Variants in STAU2 observed in about 807,000 individuals in gnomAD.
STAU2 encodes double-stranded RNA-binding protein Staufen homolog 2.
A neutral mutation model predicts 65.9 loss-of-function variants in STAU2; 20 were observed. The ratio of observed to expected loss-of-function variants is 0.30; its 90% CI spans 0.21 to 0.44. STAU2 has a LOEUF of 0.44. STAU2 is among the 20% of genes least tolerant of loss of function. STAU2 has a pLI of 1.00. For missense variants in STAU2, 558 were observed against 683.9 expected, an observed-to-expected ratio of 0.82 and a Z score of 2.05; for synonymous variants, 232 against 233.9, an observed-to-expected ratio of 0.99 and a Z score of 0.07.
At chr8:73,486,657 ATTTT>A (rs10616687) in intron 13 of STAU2, among the ~76,000 whole-genome samples, 29 of 136,502 alleles carry the variant, frequency 2.1e-4, no homozygotes, top group African/African-American at 3.5e-4. Context: ...ATATATATAT[ATTTT>A]TTTTTTTTTT....
At chr8:73,687,285 A>AATTTATATTTAT (rs371617766) in intron 5 of STAU2, among the ~76,000 whole-genome samples, 19 of 101,478 alleles carry the variant, frequency 1.9e-4, no homozygotes, top group South Asian at 5.7e-4. Flanking sequence ...CATTTATAAA[A>AATTTATATTTAT]ATTTATATTT....
chr8:73,426,791 A>G (rs1333097167), intron 13 of STAU2, among the ~76,000 whole-genome samples: 1 of 152,134 alleles, frequency 6.6e-6, no homozygotes, highest in Non-Finnish European at 1.5e-5. Flanking sequence ...ACAGTATCCT[A>G]TCGATATCCT....
At chr8:73,521,611 G>C (rs774850731) in intron 13 of STAU2, among the ~76,000 whole-genome samples, 17 of 152,106 alleles carry the variant, frequency 1.1e-4, no homozygotes, top group Admixed American at 2.6e-4. Flanking sequence ...CATTCAGAAG[G>C]AACTGCATTT....
chr8:73,422,137 T>G (rs1042857751), intron 14 of STAU2, among the ~76,000 whole-genome samples: 1 of 152,184 alleles, frequency 6.6e-6, no homozygotes, highest in South Asian at 2.1e-4. Flanking sequence ...TGGCAATGTG[T>G]GCTGGTGTTT....
chr8:73,569,989 T>A (rs1204999546), intron 12 of STAU2, among the ~76,000 whole-genome samples: 1 of 152,200 alleles, frequency 6.6e-6, no homozygotes, highest in East Asian at 1.9e-4. Context: ...AGAAGAAGGC[T>A]TCAGATGATT....
Position 73,571,835 on chromosome 8 carries a change from G to A in STAU2, c.1222+10935C>T, listed in dbSNP as rs544135380. Among the ~76,000 whole-genome samples, 25 of 152,208 alleles carry A rather than the reference G, an allele frequency of 1.6e-4. 1 individual carries two copies. The South Asian group carries it at 5.0e-3, about 30-fold the overall frequency. Reference sequence around the variant, plus strand: ...TGACACCCTAACATCACAATTAAAAGAACTAGAGAAGCAAGAGCAAACACA... The same window carrying A: ...TGACACCCTAACATCACAATTAAAAAAACTAGAGAAGCAAGAGCAAACACA... On this transcript the variant is annotated intron_variant, in intron 12 of 14. Coordinates refer to ENST00000524300, the MANE Select transcript of STAU2 (RefSeq NM_001164380.2).
intron 3 of STAU2, among the ~76,000 whole-genome samples, chr8:73,710,438 G>A (rs12675329): frequency 0.21 from 30,151 of 142,460 alleles, 3,399 homozygotes; most frequent in East Asian, 0.38. Context: ...TGCTTTTTAC[G>A]TCTTGTTTAG....
chr8:73,481,520 A>AAC lies in STAU2; in HGVS notation c.1531-58819_1531-58818insGT, dbSNP rs1554595585. 1.5e-4 allele frequency among the ~76,000 whole-genome samples: 21 copies of AAC among 141,720 alleles called. No individual in the cohort carries two copies. In the East Asian group the frequency reaches 3.0e-3, roughly 20 times the overall value. 93.0% of individuals were successfully genotyped at this position (141,720 alleles called of 152,430 possible). ...TAAGCCAAAAAAACAAAAAAACAAA[A>AAC]AAAAAAAACACTTTTTTTGAGTGAA... On this transcript the variant is annotated intron_variant, in intron 13 of 14. Transcript: ENST00000524300.
intron 3 of STAU2, among the ~76,000 whole-genome samples, chr8:73,722,904 T>C (rs376549241): frequency 1.0e-3 from 153 of 152,210 alleles, no homozygotes; most frequent in African/African-American, 3.5e-3. Context: ...CCAAAACACT[T>C]CTAATATTAA....
At chr8:73,619,171 G>A (rs1332435810) in intron 6 of STAU2, among the ~76,000 whole-genome samples, 1 of 152,040 alleles carries the variant, frequency 6.6e-6, no homozygotes, top group Admixed American at 6.6e-5. Context: ...GGGTGTGATG[G>A]GAGAAAAGCC....
chr8:73,723,712 T>C (rs1216917928), intron 3 of STAU2, among the ~76,000 whole-genome samples: 1 of 152,234 alleles, frequency 6.6e-6, no homozygotes. Context: ...AAGTCTGATA[T>C]GGGTCTTTTT....
At chr8:73,452,798 C>T (rs374791918) in intron 13 of STAU2, among the ~76,000 whole-genome samples, 6 of 152,276 alleles carry the variant, frequency 3.9e-5, no homozygotes, top group South Asian at 2.1e-4. Flanking sequence ...CAGACAACCT[C>T]GACTCTAAAG....
At chr8:73,597,648 C>T (rs1420239258) in intron 10 of STAU2, among the ~76,000 whole-genome samples, 11 of 108,844 alleles carry the variant, frequency 1.0e-4, no homozygotes, top group Admixed American at 1.4e-4. Flanking sequence ...CCAGCCTGGG[C>T]GATAGAGTGA....
chr8:73,472,004 C>T (rs994487026), intron 13 of STAU2, among the ~76,000 whole-genome samples: 3 of 152,026 alleles, frequency 2.0e-5, no homozygotes, highest in Non-Finnish European at 2.9e-5. Flanking sequence ...TACATACCTA[C>T]GTTGTTTGAG....
At chr8:73,570,641 G>A (rs568833844) in intron 12 of STAU2, among the ~76,000 whole-genome samples, 6 of 152,196 alleles carry the variant, frequency 3.9e-5, no homozygotes, top group Admixed American at 2.0e-4. Flanking sequence ...CCCAAGACAC[G>A]TAATTGTCAG....
At chr8:73,742,730 C>T (rs939870314) in intron 1 of STAU2, among the ~76,000 whole-genome samples, 5 of 151,718 alleles carry the variant, frequency 3.3e-5, no homozygotes, top group South Asian at 2.1e-4. Context: ...TATAGGGAGA[C>T]GGCTGGGGAA....
intron 13 of STAU2, among the ~76,000 whole-genome samples, chr8:73,518,785 A>AT (rs1822881399): frequency 6.6e-6 from 1 of 152,036 alleles, no homozygotes; most frequent in Admixed American, 6.6e-5. Flanking sequence ...TCCTGCTGTA[A>AT]TTTTGTTTAA....
intron 13 of STAU2, chr8:73,441,613 G>A (rs1219926400): frequency 6.6e-6 from 1 of 152,196 alleles, no homozygotes; most frequent in African/African-American, 2.4e-5. Flanking sequence ...CTGAAAGAAT[G>A]AATGAGTGGT....
rs796450903 is a variant in STAU2, at chr8:73,571,532, A to G, written c.1222+11238T>C. Among the ~76,000 whole-genome samples the G allele has an allele frequency of 9.2e-5, 14 of 152,344 alleles. No homozygotes were observed. The East Asian group carries it at 9.7e-4, about 11-fold the overall frequency. On this transcript the variant is annotated intron_variant, in intron 12 of 14. Coordinates refer to ENST00000524300, the MANE Select transcript of STAU2 (RefSeq NM_001164380.2). ...CCTCAGCAAATGTAAAAGAACAGAA[A>G]TTATAACAAACTGTCTCTCAGACCA...
Sources: allele counts gnomAD v4.1 joint callset (sites outside exome capture counted in the v4.1 genomes callset), GRCh38; gene constraint gnomAD v4.1.1; transcripts MANE v1.5; gene names NCBI Gene and HGNC (gene_info 2026-07-23, HGNC 2026-07-21).